Variants in C5orf46 observed in about 807,000 individuals in gnomAD.
C5orf46 encodes the protein uncharacterized protein C5orf46.
A neutral mutation model predicts 8.9 loss-of-function variants in C5orf46; 9 were observed. The observed-to-expected ratio is 1.01, with a 90% CI of 0.61 to 1.76. The LOEUF (loss-of-function observed/expected upper bound fraction) is 1.76. C5orf46 is among the 40% of genes most tolerant of loss of function. The pLI is 0.00. For missense variants in C5orf46, 98 were observed against 107.8 expected, an observed-to-expected ratio of 0.91 and a Z score of 0.40; for synonymous variants, 47 against 41.4, an observed-to-expected ratio of 1.14 and a Z score of -0.52.
At chr5:147,893,719 T>C (rs1178087451) in intron 3 of C5orf46, among the ~76,000 whole-genome samples, 2 of 151,998 alleles carry the variant, frequency 1.3e-5, no homozygotes, top group Non-Finnish European at 2.9e-5. Flanking sequence ...ATTTTGTATT[T>C]TTAGTAGAGA....
chr5:147,899,321 A>G (rs1331601056), intron 2 of C5orf46, among the ~76,000 whole-genome samples: 4 of 152,124 alleles, frequency 2.6e-5, no homozygotes, highest in African/African-American at 9.7e-5. Context: ...GCTTAGCAAT[A>G]CTTTCTGACG....
chr5:147,900,917 G>A (rs866834314), intron 2 of C5orf46, among the ~76,000 whole-genome samples: 30 of 152,306 alleles, frequency 2.0e-4, no homozygotes, highest in East Asian at 9.7e-4. Flanking sequence ...TCAAAACTAT[G>A]TAGGCAAAAA....
Position 147,897,169 on chromosome 5 carries a change from A to G in C5orf46, c.216-128T>C, listed in dbSNP as rs1008283262. 9.1e-6 allele frequency: 4 copies of G among 440,002 alleles called. No homozygotes were observed. The East Asian group carries it at 1.0e-4, about 12-fold the overall frequency. The allele number at this position is 440,002 out of a possible 1,614,324, so 27.3% of individuals were successfully genotyped here. On this transcript the variant is annotated intron_variant, in intron 2 of 3. Transcript: ENST00000318315. ...CTAGATTTTTCTATGTCAGAAAGAA[A>G]TAAGACCTAAAATTTCTACATAGTT...
At chr5:147,899,074 C>T (rs908108900) in intron 2 of C5orf46, among the ~76,000 whole-genome samples, 3 of 152,162 alleles carry the variant, frequency 2.0e-5, no homozygotes, top group Non-Finnish European at 4.4e-5. Context: ...GCCCAAATTA[C>T]ATCTTGCTTT....
intron 3 of C5orf46, among the ~76,000 whole-genome samples, chr5:147,893,434 G>A (rs749135035): frequency 5.9e-5 from 9 of 151,576 alleles, no homozygotes; most frequent in Non-Finnish European, 7.4e-5. Flanking sequence ...ACAGGCACCC[G>A]CTACCACACC....
intron 1 of C5orf46, among the ~76,000 whole-genome samples, chr5:147,905,127 T>TTAGGG (rs1757730619): frequency 6.6e-6 from 1 of 152,076 alleles, no homozygotes; most frequent in African/African-American, 2.4e-5. Flanking sequence ...AAGTCAATAG[T>TTAGGG]TTAATATTTT....
intron 2 of C5orf46, among the ~76,000 whole-genome samples, chr5:147,898,743 A>G (rs1458993746): frequency 1.3e-5 from 2 of 152,136 alleles, no homozygotes; most frequent in African/African-American, 4.8e-5. Flanking sequence ...AGGAAAATAC[A>G]TCATGGAACC....
intron 2 of C5orf46, among the ~76,000 whole-genome samples, chr5:147,900,659 C>A (rs1273212174): frequency 6.6e-6 from 1 of 152,170 alleles, no homozygotes; most frequent in Non-Finnish European, 1.5e-5. Flanking sequence ...CAGAAAGATG[C>A]AAAATGGGAT....
chr5:147,889,667 A>G (rs191644794), downstream of C5orf46, among the ~76,000 whole-genome samples: 1 of 152,270 alleles, frequency 6.6e-6, no homozygotes, highest in East Asian at 1.9e-4. Flanking sequence ...ATTTTCTTAA[A>G]AAGAAAGTAA....
intron 3 of C5orf46, among the ~76,000 whole-genome samples, chr5:147,893,899 GA>G (rs1200335055): frequency 6.8e-6 from 1 of 147,416 alleles, no homozygotes; most frequent in Non-Finnish European, 1.5e-5. Context: ...TGACTTTAGG[GA>G]AGGCATATTT....
rs139878428 is a variant in C5orf46 at position 147,896,793 on chromosome 5, C to T, written c.*9+191G>A. On this transcript the variant is annotated intron_variant, in intron 3 of 3. Transcript: ENST00000318315. ...TCACTTCATCTCACAGCTCTACCTC[C>T]TCTCTTAAGAAAATTTTATTATTAG... is the stretch of plus-strand genomic sequence containing the variant. Among the ~76,000 whole-genome samples, 385 of 152,156 alleles carry T rather than the reference C, an allele frequency of 2.5e-3. 4 individuals are homozygous for T. The highest frequency in any genetic ancestry group is 8.8e-3 in the African/African-American group (367 of 41,512).
At chr5:147,890,038 A>G (rs1233154973), downstream of C5orf46, among the ~76,000 whole-genome samples, 1 of 152,142 alleles carries the variant, frequency 6.6e-6, no homozygotes, top group African/African-American at 2.4e-5. Context: ...CAAATCCTTT[A>G]TCATTCATCA....
downstream of C5orf46, among the ~76,000 whole-genome samples, chr5:147,891,404 T>A (rs996675566): frequency 1.3e-5 from 2 of 152,068 alleles, no homozygotes; most frequent in Non-Finnish European, 2.9e-5. Flanking sequence ...AAACACACAT[T>A]GTAAAGCAGT....
Position 147,906,484 on chromosome 5 carries a change from A to C in C5orf46, c.18T>G (p.Leu6=). Residue 6 remains leucine (L), a synonymous_variant, in exon 1 of 4, where the codon CTT becomes CTG. Transcript: ENST00000318315. The stretch of plus-strand genomic sequence containing the variant: ...GCAGTCCCAGGACAACTGTCAGGCG[A>C]AGTACTGAGACAGCCATTCTGGTAG... MAVSV[L]RLTVVLGLLV... is the part of the protein sequence containing the mutation. The C allele has an allele frequency of 6.2e-7, 1 of 1,612,088 alleles. No individual in the cohort carries two copies. Among genetic ancestry groups the C allele is most frequent in the Non-Finnish European group, 8.5e-7 (1 of 1,178,808 alleles).
At chr5:147,898,068 G>C (rs1288779562) in intron 2 of C5orf46, among the ~76,000 whole-genome samples, 1 of 152,088 alleles carries the variant, frequency 6.6e-6, no homozygotes, top group East Asian at 1.9e-4. Flanking sequence ...GCAGTGATAT[G>C]ACCAAATTTA....
downstream of C5orf46, among the ~76,000 whole-genome samples, chr5:147,890,466 GAAAT>G (rs1210389637): frequency 2.6e-5 from 4 of 152,004 alleles, no homozygotes; most frequent in Admixed American, 2.0e-4. Flanking sequence ...AAAAAGGAAT[GAAAT>G]AAATAAAGTT....
intron 1 of C5orf46, among the ~76,000 whole-genome samples, chr5:147,905,536 A>G (rs957912482): frequency 6.6e-5 from 10 of 152,190 alleles, no homozygotes; most frequent in Admixed American, 6.5e-4. Context: ...GCCAAGTTAC[A>G]TTCAAAGGAT....
downstream of C5orf46, among the ~76,000 whole-genome samples, chr5:147,891,267 G>A (rs552647571): frequency 8.0e-4 from 122 of 152,282 alleles, no homozygotes; most frequent in African/African-American, 2.8e-3. Context: ...CTGGGAAAGA[G>A]TCCCAAAAGA....
At chr5:147,890,183 T>C (rs1451489203), downstream of C5orf46, among the ~76,000 whole-genome samples, 1 of 152,212 alleles carries the variant, frequency 6.6e-6, no homozygotes, top group Non-Finnish European at 1.5e-5. Context: ...GTATGTTTAG[T>C]TGGTTATGCA....
Sources: allele counts gnomAD v4.1 joint callset (sites outside exome capture counted in the v4.1 genomes callset), GRCh38; gene constraint gnomAD v4.1.1; transcripts MANE v1.5; gene names NCBI Gene and HGNC (gene_info 2026-07-23, HGNC 2026-07-21).